The following ADAM18 variants were observed in gnomAD, a reference collection of about 807,000 sequenced individuals.
The protein encoded by ADAM18 is ADAM metallopeptidase domain 18, also known as disintegrin and metalloproteinase domain-containing protein 18.
In ADAM18, 117 loss-of-function variants were observed where a neutral mutation model predicts 94.4. The ratio of observed to expected loss-of-function variants is 1.24; its 90% CI spans 1.07 to 1.45. The LOEUF is 1.45. Among genes scored for constraint, ADAM18 ranks in the 40% most tolerant of loss-of-function variants. The pLI is 0.00. For synonymous variants in ADAM18, 327 were observed against 291.6 expected (o/e 1.12, Z -1.24); for missense variants, 936 against 880.0 (o/e 1.06, Z -0.81).
At chr8:39,601,029 G>A (rs1818886862) in intron 2 of ADAM18, among the ~76,000 whole-genome samples, 1 of 152,176 alleles carries the variant, frequency 6.6e-6, no homozygotes, top group African/African-American at 2.4e-5. Flanking sequence ...CAGTCATGGT[G>A]GAAGGGGAAG....
intron 19 of ADAM18, among the ~76,000 whole-genome samples, chr8:39,724,862 C>T (rs1029769901): frequency 1.3e-5 from 2 of 151,822 alleles, no homozygotes; most frequent in South Asian, 4.2e-4. Context: ...TATAGATTTC[C>T]CAGGATTTTT....
At chr8:39,645,771 A>T (rs1820359984) in intron 11 of ADAM18, among the ~76,000 whole-genome samples, 1 of 152,134 alleles carries the variant, frequency 6.6e-6, no homozygotes, top group South Asian at 2.1e-4. Context: ...CATCTTAAAC[A>T]AAAGTCTTAT....
At chr8:39,606,746 A>G (rs1482434814) in intron 3 of ADAM18, among the ~76,000 whole-genome samples, 1 of 152,104 alleles carries the variant, frequency 6.6e-6, no homozygotes, top group Non-Finnish European at 1.5e-5. Context: ...AAGCTTTTTA[A>G]TCACCTGGGG....
chr8:39,620,296 A>G (rs1270263632), intron 6 of ADAM18, among the ~76,000 whole-genome samples: 5 of 149,834 alleles, frequency 3.3e-5, no homozygotes, highest in South Asian at 4.2e-4. Context: ...GAAACACTAT[A>G]TGACATAGGT....
In ADAM18 at chr8:39,586,796, CT is replaced by C. The variant is rs535168224; in HGVS notation, c.132+1445del. 2.5e-3 allele frequency among the ~76,000 whole-genome samples: 340 copies of C among 135,148 alleles called. 5 individuals carry two copies. Among genetic ancestry groups the C allele is most frequent in the African/African-American group, 8.1e-3 (319 of 39,342 alleles). 88.7% of individuals were successfully genotyped at this position (135,148 alleles called of 152,430 possible). A position where few individuals can be genotyped will look rare whatever the true frequency, so the allele number is the denominator to read the frequency against. Reference sequence around the variant, plus strand: ...TCTATCTATCTATCTATCTATCTATCTATCTATATCTATCTATCTATCATCT... The same window carrying C: ...TCTATCTATCTATCTATCTATCTATCATCTATATCTATCTATCTATCATCT... On this transcript the variant is annotated intron_variant, in intron 2 of 19. Coordinates refer to ENST00000265707, the MANE Select transcript of ADAM18 (RefSeq NM_014237.3).
intron 13 of ADAM18, among the ~76,000 whole-genome samples, chr8:39,665,109 C>T (rs1247342956): frequency 2.6e-5 from 4 of 152,108 alleles, no homozygotes; most frequent in Admixed American, 6.5e-5. Context: ...TGACTCCACC[C>T]GCAGCCCCTG....
Position 39,706,714 on chromosome 8 carries a change from A to G in ADAM18, c.1903-76A>G, listed in dbSNP as rs997994511. 1.3e-5 allele frequency: 8 copies of G among 629,628 alleles called. No homozygotes were observed. In the East Asian group the frequency reaches 1.6e-4, roughly 13 times the overall value. The allele number at this position is 629,628 out of a possible 1,614,324, so 39.0% of individuals were successfully genotyped here. A position where few individuals can be genotyped will look rare whatever the true frequency, so the allele number is the denominator to read the frequency against. On this transcript the variant is annotated intron_variant, in intron 17 of 19. Coordinates refer to ENST00000265707, the MANE Select transcript of ADAM18 (RefSeq NM_014237.3). ...ATTATTCTATGAAATTTAGTTATTTATATCAGATACAAAGACCTTGTATCA... is the reference window on the plus strand; with the variant it reads ...ATTATTCTATGAAATTTAGTTATTTGTATCAGATACAAAGACCTTGTATCA...
intron 12 of ADAM18, among the ~76,000 whole-genome samples, chr8:39,654,856 G>C (rs543036504): frequency 1.2e-4 from 18 of 151,854 alleles, no homozygotes; most frequent in Non-Finnish European, 2.2e-4. Context: ...AGAAGTGCAG[G>C]GGATTTTTGT....
In ADAM18 at chr8:39,584,665, C is replaced by T. The variant is rs367852740; in HGVS notation, c.43C>T (p.Gln15Ter). The change falls in exon 1 of 20, where the codon CAA becomes TAA. Residue 15 changes from glutamine to a stop codon, truncating the protein, a stop_gained. Transcript: ENST00000265707. LOFTEE classifies it high-confidence loss of function. ...CCTCCTCACTGAGCTTGGAAGACTG[C>T]AAGCCCACGAAGGTAAGTCCATGGG... ...LALLTELGRLQAHEGSEGIFL... is the reference protein window; with the variant it reads ...LALLTELGRL The T allele has an allele frequency of 6.8e-6, 11 of 1,613,208 alleles. No individual in the cohort carries two copies. Among genetic ancestry groups the T allele is most frequent in the African/African-American group, 1.3e-5 (1 of 74,948 alleles).
At chr8:39,623,851 C>T (rs923426681) in intron 6 of ADAM18, among the ~76,000 whole-genome samples, 2 of 152,106 alleles carry the variant, frequency 1.3e-5, no homozygotes, top group Non-Finnish European at 2.9e-5. Context: ...CTGCCTTGGC[C>T]TCCCAAAGTG....
intron 10 of ADAM18, among the ~76,000 whole-genome samples, chr8:39,641,340 C>T (rs4297011): frequency 6.6e-6 from 1 of 151,814 alleles, no homozygotes; most frequent in Non-Finnish European, 1.5e-5. Flanking sequence ...CTATTTTGTT[C>T]TATTGGTTTG....
At position 39,666,144 on chromosome 8, in the gene ADAM18, C is replaced by A. The variant is rs528634909; in HGVS notation, c.1327-1854C>A. 2.6e-5 allele frequency among the ~76,000 whole-genome samples: 4 copies of A among 152,242 alleles called. No homozygotes were observed. The East Asian group carries it at 7.7e-4, about 29-fold the overall frequency. On this transcript the variant is annotated intron_variant, in intron 13 of 19. Coordinates refer to ENST00000265707, the MANE Select transcript of ADAM18 (RefSeq NM_014237.3). Reference sequence around the variant, plus strand: ...CCTCCACCTCCTGGGCTGAAGCCATCCTTCCACCTCAGCCTCCCAAGTAGC... The same window carrying A: ...CCTCCACCTCCTGGGCTGAAGCCATACTTCCACCTCAGCCTCCCAAGTAGC...
intron 19 of ADAM18, among the ~76,000 whole-genome samples, chr8:39,724,187 C>T (rs558051378): frequency 1.1e-4 from 17 of 151,752 alleles, no homozygotes; most frequent in African/African-American, 3.9e-4. Context: ...TTTAAGTGCC[C>T]TTCTAGTTAG....
At chr8:39,713,740 G>T (rs1002103990) in intron 18 of ADAM18, among the ~76,000 whole-genome samples, 1 of 152,142 alleles carries the variant, frequency 6.6e-6, no homozygotes, top group Non-Finnish European at 1.5e-5. Flanking sequence ...ACCAAAATGA[G>T]ATATCATCTC....
chr8:39,621,242 A>G (rs1469298580), intron 6 of ADAM18, among the ~76,000 whole-genome samples: 4 of 152,082 alleles, frequency 2.6e-5, no homozygotes, highest in Admixed American at 2.6e-4. Context: ...ACATCATCAG[A>G]TACTATTACA....
chr8:39,595,086 A>T (rs1191976034), intron 2 of ADAM18, among the ~76,000 whole-genome samples: 1 of 151,584 alleles, frequency 6.6e-6, no homozygotes, highest in Non-Finnish European at 1.5e-5. Flanking sequence ...ATTTTTTATC[A>T]TTTCCTCTCT....
At chr8:39,678,238 A>G (rs1821349606) in intron 15 of ADAM18, among the ~76,000 whole-genome samples, 1 of 152,242 alleles carries the variant, frequency 6.6e-6, no homozygotes, top group African/African-American at 2.4e-5. Flanking sequence ...TCAAAGACTT[A>G]TAGCCAGGAA....
chr8:39,707,192 T>C (rs1822264600), intron 18 of ADAM18, among the ~76,000 whole-genome samples: 1 of 152,170 alleles, frequency 6.6e-6, no homozygotes, highest in Admixed American at 6.5e-5. Flanking sequence ...TGCCATGGCG[T>C]CTCCTTTGCA....
chr8:39,618,877 A>G (rs1348613916), intron 6 of ADAM18, among the ~76,000 whole-genome samples: 1 of 152,170 alleles, frequency 6.6e-6, no homozygotes, highest in Non-Finnish European at 1.5e-5. Flanking sequence ...GAAGCACATC[A>G]CGCGCTGTTG....
Sources: allele counts gnomAD v4.1 joint callset (sites outside exome capture counted in the v4.1 genomes callset), GRCh38; gene constraint gnomAD v4.1.1; transcripts MANE v1.5; gene names NCBI Gene and HGNC (gene_info 2026-07-23, HGNC 2026-07-21).